GAB1: variants seen among roughly 807,000 people sequenced by gnomAD.
The protein encoded by GAB1 is GRB2 associated binding protein 1.
Under a neutral mutation model 66.5 loss-of-function variants are expected in GAB1, and 19 were observed. The ratio of observed to expected loss-of-function variants is 0.29; its 90% CI spans 0.20 to 0.42. The LOEUF is 0.42. Ranked by LOEUF, GAB1 falls within the 10% of genes least tolerant of loss-of-function variation. GAB1 has a pLI of 1.00. For missense variants in GAB1, 732 were observed against 858.5 expected, an observed-to-expected ratio of 0.85 and a Z score of 1.84; for synonymous variants, 294 against 301.4, an observed-to-expected ratio of 0.98 and a Z score of 0.25.
intron 6 of GAB1, among the ~76,000 whole-genome samples, chr4:143,442,754 A>G (rs560080121): frequency 6.6e-6 from 1 of 152,232 alleles, no homozygotes; most frequent in African/African-American, 2.4e-5. Context: ...ATAGAACAGA[A>G]TAAAGTAGGT....
chr4:143,447,744 T>C (rs1390943570), intron 6 of GAB1, among the ~76,000 whole-genome samples: 2 of 152,164 alleles, frequency 1.3e-5, no homozygotes, highest in Admixed American at 6.5e-5. Flanking sequence ...CAGGGACAAT[T>C]TGACTTCCTC....
chr4:143,354,389 A>G (rs1429414344), intron 1 of GAB1, among the ~76,000 whole-genome samples: 1 of 152,146 alleles, frequency 6.6e-6, no homozygotes. Flanking sequence ...TCTGAAAACA[A>G]GTGTAAATGC....
At chr4:143,459,350 A>C (rs1189279365) in intron 6 of GAB1, 35 bp from the exon 7 acceptor site, 1 of 1,219,308 alleles carries the variant, frequency 8.2e-7, no homozygotes, top group East Asian at 2.3e-5. Context: ...AAAGTTCTGT[A>C]TACTAAAAAT....
At position 143,361,906 on chromosome 4, in the gene GAB1, T is replaced by C. The variant is rs111839740; in HGVS notation, c.72+24646T>C. On this transcript the variant is annotated intron_variant, in intron 1 of 9. Coordinates refer to ENST00000262994, the MANE Select transcript of GAB1 (RefSeq NM_002039.4). ...CTTGGAGTTTTCAGCTTTTGAAGTG[T>C]TGTGTGTGGTTTTTTTTTGTTTTTT... 3.2e-3 allele frequency among the ~76,000 whole-genome samples: 416 copies of C among 129,314 alleles called. 3 individuals are homozygous for C. Among genetic ancestry groups the C allele is most frequent in the African/African-American group, 0.012 (398 of 32,020 alleles). The allele number at this position is 129,314 out of a possible 152,430, so 84.8% of individuals were successfully genotyped here. A position where few individuals can be genotyped will look rare whatever the true frequency, so the allele number is the denominator to read the frequency against.
At chr4:143,351,740 G>T (rs1729235564) in intron 1 of GAB1, among the ~76,000 whole-genome samples, 1 of 152,146 alleles carries the variant, frequency 6.6e-6, no homozygotes, top group Admixed American at 6.5e-5. Context: ...GAGACATTTT[G>T]GTTGCTACAG....
chr4:143,438,650 G>A lies in GAB1; in HGVS notation c.1195+50G>A, dbSNP rs1033929073. ...TATTAGAGGTTAATGATAGAAAATC[G>A]ATTTTTCTGAATATTTGTTCTTTTA... On this transcript the variant is annotated intron_variant, in intron 4 of 9. Coordinates refer to ENST00000262994, the MANE Select transcript of GAB1 (RefSeq NM_002039.4). 1.2e-5 allele frequency: 19 copies of A among 1,545,656 alleles called. No individual in the cohort carries two copies. In the African/African-American group the frequency reaches 1.4e-4, roughly 11 times the overall value.
chr4:143,373,287 A>G (rs1730225171), intron 1 of GAB1, among the ~76,000 whole-genome samples: 1 of 152,242 alleles, frequency 6.6e-6, no homozygotes, highest in Non-Finnish European at 1.5e-5. Context: ...TAACAAGCAT[A>G]TTCTCAAACT....
Position 143,407,977 on chromosome 4 carries a change from C to T in GAB1, c.73-7500C>T, listed in dbSNP as rs145021710. On this transcript the variant is annotated intron_variant, in intron 1 of 9. Transcript: ENST00000262994. ...GCATGGTTTTTAGAGAAAATTAAAG[C>T]AATATATTATAATGACTTTAAGGAA... Among the ~76,000 whole-genome samples, 259 of 152,086 alleles carry T rather than the reference C, an allele frequency of 1.7e-3. 1 individual carries two copies. The highest frequency in any genetic ancestry group is 5.9e-3 in the African/African-American group (243 of 41,496).
chr4:143,406,414 C>T (rs1038407069), intron 1 of GAB1, among the ~76,000 whole-genome samples: 1 of 152,184 alleles, frequency 6.6e-6, no homozygotes, highest in Admixed American at 6.5e-5. Flanking sequence ...TGGACATTTG[C>T]ACCACCTCTG....
At chr4:143,338,035 CT>C (rs1374681922) in intron 1 of GAB1, among the ~76,000 whole-genome samples, 2 of 152,184 alleles carry the variant, frequency 1.3e-5, no homozygotes, top group Non-Finnish European at 2.9e-5. Flanking sequence ...AGTTGCGGTC[CT>C]TTCCCAGGGA....
intron 1 of GAB1, among the ~76,000 whole-genome samples, chr4:143,372,349 A>G (rs932476586): frequency 6.6e-6 from 1 of 152,136 alleles, no homozygotes; most frequent in Non-Finnish European, 1.5e-5. Flanking sequence ...CTTATTCAAC[A>G]TCTATTTATT....
intron 2 of GAB1, among the ~76,000 whole-genome samples, chr4:143,418,799 G>T (rs1280343525): frequency 6.6e-6 from 1 of 152,102 alleles, no homozygotes; most frequent in Non-Finnish European, 1.5e-5. Flanking sequence ...CCTATTCAAG[G>T]GTGGGTAGGG....
At position 143,339,908 on chromosome 4, in the gene GAB1, A is replaced by C. The variant is rs537212595; in HGVS notation, c.72+2648A>C. 5.3e-5 allele frequency among the ~76,000 whole-genome samples: 8 copies of C among 152,310 alleles called. No individual in the cohort carries two copies. The South Asian group carries it at 1.4e-3, about 28-fold the overall frequency. ...TAGGATTTTCTTTGCCTGGTGTAGCACTGGTGTTTTCTTTACCCACGAATA... is the reference window on the plus strand; with the variant it reads ...TAGGATTTTCTTTGCCTGGTGTAGCCCTGGTGTTTTCTTTACCCACGAATA... On this transcript the variant is annotated intron_variant, in intron 1 of 9. Transcript: ENST00000262994.
intron 1 of GAB1, among the ~76,000 whole-genome samples, chr4:143,352,766 A>G (rs989899559): frequency 6.6e-6 from 1 of 152,238 alleles, no homozygotes; most frequent in Non-Finnish European, 1.5e-5. Context: ...ATAAAATTCA[A>G]TAGAAGTAAA....
At chr4:143,440,456 A>C (rs1734168519) in intron 6 of GAB1, 74 bp downstream of exon 6, 1 of 1,372,450 alleles carries the variant, frequency 7.3e-7, no homozygotes, top group Admixed American at 2.6e-5. Context: ...CATTAAATCC[A>C]AAATAGAATT....
At chr4:143,397,157 T>C (rs559514494) in intron 1 of GAB1, among the ~76,000 whole-genome samples, 2 of 152,352 alleles carry the variant, frequency 1.3e-5, no homozygotes, top group African/African-American at 4.8e-5. Flanking sequence ...GGACCAGTAG[T>C]GACTTGAGCA....
At chr4:143,371,864 T>G (rs1008488307) in intron 1 of GAB1, among the ~76,000 whole-genome samples, 1 of 152,164 alleles carries the variant, frequency 6.6e-6, no homozygotes, top group Non-Finnish European at 1.5e-5. Flanking sequence ...GGTTGTAGAT[T>G]TGTGGTATTA....
chr4:143,457,877 G>T, intron 6 of GAB1: 1 of 625,536 alleles, frequency 1.6e-6, no homozygotes, highest in Non-Finnish European at 2.7e-6. Context: ...TACTGCTGTT[G>T]TAAATAAAAC....
intron 2 of GAB1, among the ~76,000 whole-genome samples, chr4:143,428,887 T>A (rs996931311): frequency 7.5e-6 from 1 of 133,100 alleles, no homozygotes; most frequent in African/African-American, 3.1e-5. Flanking sequence ...TTAGGAGATA[T>A]ACCTAATGTA....
Sources: allele counts gnomAD v4.1 joint callset (sites outside exome capture counted in the v4.1 genomes callset), GRCh38; gene constraint gnomAD v4.1.1; transcripts MANE v1.5; gene names NCBI Gene and HGNC (gene_info 2026-07-23, HGNC 2026-07-21).